The following DGKB variants were observed in gnomAD, a reference collection of about 807,000 sequenced individuals.
DGKB encodes diacylglycerol kinase beta, also known as 90 kDa diacylglycerol kinase.
A neutral mutation model predicts 114.3 loss-of-function variants in DGKB; 67 were observed. The observed-to-expected ratio is 0.59, with a 90% CI of 0.48 to 0.72. The LOEUF is 0.72. DGKB is among the 30% of genes least tolerant of loss of function. The probability of loss-of-function intolerance (pLI) is 0.00; values close to 1 mark genes in which losing one functional copy is unlikely to be tolerated. For synonymous variants in DGKB, 398 were observed against 323.1 expected (o/e 1.23, Z -2.49); for missense variants, 907 against 975.2 (o/e 0.93, Z 0.93).
chr7:14,778,432 C>A (rs1056748365), intron 2 of DGKB, among the ~76,000 whole-genome samples: 1 of 152,088 alleles, frequency 6.6e-6, no homozygotes, highest in African/African-American at 2.4e-5. Flanking sequence ...CTCCACATTA[C>A]AATATATTTT....
At chr7:14,187,386 G>A (rs1783600802) in intron 23 of DGKB, among the ~76,000 whole-genome samples, 1 of 152,104 alleles carries the variant, frequency 6.6e-6, no homozygotes, top group Non-Finnish European at 1.5e-5. Flanking sequence ...CAGCCAGTCT[G>A]GGTGGTCCCA....
intron 23 of DGKB, among the ~76,000 whole-genome samples, chr7:14,237,276 G>A (rs1792948012): frequency 6.6e-6 from 1 of 151,854 alleles, no homozygotes; most frequent in Admixed American, 6.6e-5. Context: ...AGCAACATGG[G>A]CTATAAATGG....
At chr7:14,390,038 G>A (rs2128705061) in intron 21 of DGKB, among the ~76,000 whole-genome samples, 1 of 152,192 alleles carries the variant, frequency 6.6e-6, no homozygotes, top group African/African-American at 2.4e-5. Flanking sequence ...TTGGCAAATG[G>A]CCTAAAAACC....
At chr7:14,701,265 A>C (rs898270119) in intron 7 of DGKB, among the ~76,000 whole-genome samples, 2 of 152,222 alleles carry the variant, frequency 1.3e-5, no homozygotes, top group African/African-American at 4.8e-5. Flanking sequence ...GAAAATAATG[A>C]GATAATTAAA....
intron 23 of DGKB, among the ~76,000 whole-genome samples, chr7:14,253,756 G>C (rs1384409622): frequency 6.6e-6 from 1 of 152,102 alleles, no homozygotes; most frequent in East Asian, 1.9e-4. Context: ...CATCTCCTCT[G>C]TGTTAGACTT....
intron 12 of DGKB, among the ~76,000 whole-genome samples, chr7:14,678,932 T>G (rs1820353609): frequency 6.6e-6 from 1 of 151,994 alleles, no homozygotes; most frequent in South Asian, 2.1e-4. Context: ...TAAAAAAAAT[T>G]GACTTCAAAC....
intron 23 of DGKB, among the ~76,000 whole-genome samples, chr7:14,204,813 A>G (rs1193423373): frequency 6.6e-6 from 1 of 152,040 alleles, no homozygotes; most frequent in Non-Finnish European, 1.5e-5. Context: ...ATGTAGATCA[A>G]TTCTAGGGGA....
intron 23 of DGKB, among the ~76,000 whole-genome samples, chr7:14,248,993 A>G (rs1391861829): frequency 6.6e-6 from 1 of 152,118 alleles, no homozygotes; most frequent in Admixed American, 6.5e-5. Context: ...TATGGCGTTT[A>G]TTACGTTAAT....
chr7:14,845,261 C>T (rs973471664), intron 1 of DGKB, among the ~76,000 whole-genome samples: 2 of 152,024 alleles, frequency 1.3e-5, no homozygotes, highest in Non-Finnish European at 2.9e-5. Context: ...TATCAAGGCT[C>T]ACCTGGTTAT....
intron 1 of DGKB, among the ~76,000 whole-genome samples, chr7:14,950,158 A>T (rs1786108684): frequency 1.3e-5 from 2 of 151,982 alleles, no homozygotes; most frequent in African/African-American, 2.4e-5. Context: ...AAAATCCAAC[A>T]TGCTGGGATT....
At chr7:14,349,092 T>C (rs1052067800) in intron 21 of DGKB, among the ~76,000 whole-genome samples, 1 of 152,024 alleles carries the variant, frequency 6.6e-6, no homozygotes, top group African/African-American at 2.4e-5. Context: ...AATGCTGGTG[T>C]CATTAAGAGA....
At chr7:14,582,011 G>T (rs370087502) in intron 18 of DGKB, among the ~76,000 whole-genome samples, 14 of 152,246 alleles carry the variant, frequency 9.2e-5, no homozygotes, top group African/African-American at 2.9e-4. Flanking sequence ...CTTATCAAAA[G>T]TGTTGCCAAC....
chr7:14,834,222 TAAG>T (rs1195767273), intron 2 of DGKB, among the ~76,000 whole-genome samples: 2 of 152,140 alleles, frequency 1.3e-5, no homozygotes, highest in African/African-American at 2.4e-5. Flanking sequence ...CTAACAAAAA[TAAG>T]AGCTATCATT....
chr7:14,443,069 CTAGTT>C (rs1250914077), intron 21 of DGKB, among the ~76,000 whole-genome samples: 1 of 152,078 alleles, frequency 6.6e-6, no homozygotes, highest in Non-Finnish European at 1.5e-5. Context: ...TTATAACTGT[CTAGTT>C]TACTGCATAA....
intron 2 of DGKB, among the ~76,000 whole-genome samples, chr7:14,761,227 G>T (rs1835647704): frequency 6.6e-6 from 1 of 152,090 alleles, no homozygotes; most frequent in Admixed American, 6.6e-5. Context: ...TAAGGCTGAG[G>T]CCCTGATTTG....
chr7:14,916,278 G>T (rs1029551782), intron 1 of DGKB, among the ~76,000 whole-genome samples: 23 of 98,910 alleles, frequency 2.3e-4, no homozygotes, highest in African/African-American at 1.6e-3. Flanking sequence ...CAGTGAAAGA[G>T]GGAACGACTT....
intron 20 of DGKB, among the ~76,000 whole-genome samples, chr7:14,540,758 A>G (rs975777856): frequency 3.3e-5 from 5 of 152,212 alleles, no homozygotes; most frequent in African/African-American, 1.2e-4. Context: ...AATAGTAACA[A>G]TGCCAACTAC....
intron 20 of DGKB, among the ~76,000 whole-genome samples, chr7:14,504,374 C>G (rs759929122): frequency 2.0e-5 from 3 of 152,118 alleles, no homozygotes; most frequent in Non-Finnish European, 4.4e-5. Context: ...AGCTGGAGTT[C>G]AGATTGTCAC....
chr7:14,274,972 TG>T (rs1798786426), intron 23 of DGKB, among the ~76,000 whole-genome samples: 1 of 118,200 alleles, frequency 8.5e-6, no homozygotes. Flanking sequence ...TGTGTGTGTG[TG>T]TTTGTGTGTG....
Sources: gnomAD v4.1 joint callset for allele counts (sites outside exome capture counted in the v4.1 genomes callset) on GRCh38, gnomAD v4.1.1 for gene constraint, MANE v1.5 for transcripts, NCBI Gene and HGNC (gene_info 2026-07-23, HGNC 2026-07-21) for gene names.